The following SEC24A variants were observed in gnomAD, a reference collection of about 807,000 sequenced individuals.
SEC24A encodes protein transport protein Sec24A.
SEC24A carries 93 observed loss-of-function variants against 129.4 expected under a neutral mutation model. The observed-to-expected ratio is 0.72, with a 90% CI of 0.61 to 0.85. The LOEUF is 0.85. Among genes scored for constraint, SEC24A ranks in the 40% least tolerant of loss-of-function variants. The pLI is 0.00. For synonymous variants in SEC24A, 460 were observed against 467.3 expected (o/e 0.98, Z 0.20); for missense variants, 1,264 against 1,307.4 (o/e 0.97, Z 0.51).
Position 134,652,007 on chromosome 5 carries a change from T to TGA in SEC24A, c.97+2835_97+2836insAG, listed in dbSNP as rs770550927. Among the ~76,000 whole-genome samples, 5 of 151,182 alleles carry TGA rather than the reference T, an allele frequency of 3.3e-5. No homozygotes were observed. The South Asian group carries it at 8.4e-4, about 25-fold the overall frequency. On this transcript the variant is annotated intron_variant, in intron 1 of 22. Transcript: ENST00000398844. ...GAGTGCAATGGCTCATTGCAACCTC[T>TGA]GCCTCCCAGATTCAAGCAATTCTCC...
chr5:134,716,233 C>T (rs1029250330), intron 19 of SEC24A, among the ~76,000 whole-genome samples: 3 of 151,920 alleles, frequency 2.0e-5, no homozygotes, highest in South Asian at 2.1e-4. Flanking sequence ...GAGGCTGAGG[C>T]GGGTGGATCA....
intron 7 of SEC24A, among the ~76,000 whole-genome samples, chr5:134,676,849 G>A (rs887156632): frequency 6.6e-6 from 1 of 152,128 alleles, no homozygotes; most frequent in African/African-American, 2.4e-5. Flanking sequence ...GGAAGTCGAT[G>A]ATTGACAGAT....
At chr5:134,684,736 A>G (rs1438838936) in intron 9 of SEC24A, among the ~76,000 whole-genome samples, 2 of 152,030 alleles carry the variant, frequency 1.3e-5, no homozygotes, top group African/African-American at 4.8e-5. Flanking sequence ...GAAAAAGAAA[A>G]CATTTTGTTG....
chr5:134,649,170 A>C lies in SEC24A; in HGVS notation c.94A>C (p.Asn32His), dbSNP rs1446667903. ...CTTGGCCTCGGGGTCTCCCTACACC[A>C]ACGGTGAGTGCTGTCCGGGGGGAGG... Reference protein sequence around the residue: ...AALASGSPYTNGPVQNALLSS... With the variant: ...AALASGSPYTHGPVQNALLSS... The change falls in exon 1 of 23, where the codon AAC becomes CAC. Residue 32 changes from asparagine to histidine, a missense_variant. Physicochemically the swap from Asn to His is moderately conservative, Grantham distance 68 (BLOSUM62 1). Coordinates refer to ENST00000398844, the MANE Select transcript of SEC24A (RefSeq NM_021982.3). The C allele has an allele frequency of 6.2e-7, 1 of 1,602,760 alleles. No homozygotes were observed. The highest frequency in any genetic ancestry group is 1.1e-5 in the South Asian group (1 of 89,654).
intron 18 of SEC24A, among the ~76,000 whole-genome samples, chr5:134,712,294 G>A (rs989530095): frequency 1.3e-5 from 2 of 150,250 alleles, no homozygotes; most frequent in Non-Finnish European, 3.0e-5. Flanking sequence ...ACTGTCATCC[G>A]GGCTGGAGTG....
At chr5:134,673,793 T>C (rs2150081733) in intron 4 of SEC24A, among the ~76,000 whole-genome samples, 1 of 152,288 alleles carries the variant, frequency 6.6e-6, no homozygotes. Context: ...CAAACTAGTT[T>C]TTGTGTCTAC....
chr5:134,722,356 G>C (rs1445580724), intron 21 of SEC24A, among the ~76,000 whole-genome samples: 1 of 152,040 alleles, frequency 6.6e-6, no homozygotes, highest in African/African-American at 2.4e-5. Flanking sequence ...CCTGAGGTCA[G>C]GAGTTCGAGA....
At chr5:134,701,670 C>T (rs1172570863) in intron 15 of SEC24A, among the ~76,000 whole-genome samples, 6 of 152,020 alleles carry the variant, frequency 3.9e-5, no homozygotes, top group African/African-American at 1.4e-4. Context: ...GCTACCATGC[C>T]CAGCTAATTT....
At chr5:134,676,752 A>G (rs1422482837) in intron 7 of SEC24A, among the ~76,000 whole-genome samples, 1 of 152,132 alleles carries the variant, frequency 6.6e-6, no homozygotes, top group Non-Finnish European at 1.5e-5. Context: ...GTGAAGGTAA[A>G]TGTCTTTTGT....
In SEC24A at chr5:134,682,480, A is replaced by C; in HGVS notation, c.1489A>C (p.Met497Leu). ...TIEFMAPSEY[M>L]LRPPQPPVYL... ...TGAGTTTATGGCTCCTTCAGAATAC[A>C]TGGTAAACTTTTATTTTTTGATACA... The change falls in exon 9 of 23, where the codon ATG (methionine) becomes CTG (leucine). Residue 497 changes from methionine (M) to leucine (L), a missense_variant and splice_region_variant. Coordinates refer to ENST00000398844, the MANE Select transcript of SEC24A (RefSeq NM_021982.3). 2 of 1,522,374 alleles carry C rather than the reference A, an allele frequency of 1.3e-6. No individual in the cohort carries two copies. The highest frequency in any genetic ancestry group is 1.4e-5 in the African/African-American group (1 of 73,070). The allele number at this position is 1,522,374 out of a possible 1,614,324, so 94.3% of individuals were successfully genotyped here. A position where few individuals can be genotyped will look rare whatever the true frequency, so the allele number is the denominator to read the frequency against.
chr5:134,703,325 T>C (rs960814236), intron 15 of SEC24A, among the ~76,000 whole-genome samples: 3 of 152,046 alleles, frequency 2.0e-5, no homozygotes, highest in Non-Finnish European at 4.4e-5. Context: ...TGGAGTGCAG[T>C]GGCGCAATCT....
chr5:134,672,456 G>A (rs1232858167), intron 4 of SEC24A, among the ~76,000 whole-genome samples: 2 of 152,120 alleles, frequency 1.3e-5, no homozygotes, highest in African/African-American at 4.8e-5. Context: ...CCAAAGTGCT[G>A]GGATTATAGG....
intron 8 of SEC24A, 92 bp from the exon 9 acceptor site, chr5:134,682,277 ATGTT>A: frequency 1.6e-6 from 1 of 637,908 alleles, no homozygotes. Flanking sequence ...CATTTAATGA[ATGTT>A]TGTCATCTTT....
intron 9 of SEC24A, among the ~76,000 whole-genome samples, 185 bp downstream of exon 9, chr5:134,682,667 C>T (rs983590284): frequency 5.3e-5 from 8 of 152,050 alleles, no homozygotes; most frequent in South Asian, 2.1e-4. Flanking sequence ...CTCGACCTCC[C>T]GTGCTCAAGT....
At chr5:134,652,628 G>A (rs180709384) in intron 1 of SEC24A, among the ~76,000 whole-genome samples, 51 of 146,762 alleles carry the variant, frequency 3.5e-4, no homozygotes, top group African/African-American at 1.2e-3. Flanking sequence ...TTGCTGTGTT[G>A]CCAGGCTGGA....
At chr5:134,708,636 A>G in intron 17 of SEC24A, 77 bp from the exon 18 acceptor site, 2 of 1,294,868 alleles carry the variant, frequency 1.5e-6, no homozygotes, top group Non-Finnish European at 1.1e-6. Flanking sequence ...TTTAAAAATT[A>G]TCTCTTCTAT....
At position 134,666,954 on chromosome 5, in the gene SEC24A, G is replaced by T; in HGVS notation, c.697G>T (p.Asp233Tyr). 6.2e-7 allele frequency: 1 copy of T among 1,608,882 alleles called. No individual in the cohort carries two copies. Among genetic ancestry groups the T allele is most frequent in the Non-Finnish European group, 8.5e-7 (1 of 1,178,728 alleles). Residue 233 changes from aspartate to tyrosine, a missense_variant, in exon 3 of 23, where the codon GAT (aspartate) becomes TAT (tyrosine). Physicochemically the swap from Asp to Tyr is radical, Grantham distance 160. Transcript: ENST00000398844. ...ALTPLTSSYR[D>Y]VPQPLFNSAV... ...CACGCCCCTGACATCATCATATAGA[G>T]ATGTACCCCAGCCCTTATTTAATTC... is the stretch of plus-strand genomic sequence containing the variant.
chr5:134,682,549 G>T, intron 9 of SEC24A, 67 bp downstream of exon 9: 1 of 767,534 alleles, frequency 1.3e-6, no homozygotes, highest in Non-Finnish European at 2.2e-6. Context: ...AAACAATACA[G>T]CATCCTGTAA....
intron 2 of SEC24A, among the ~76,000 whole-genome samples, chr5:134,663,765 G>C (rs1010356497): frequency 6.6e-6 from 1 of 151,948 alleles, no homozygotes; most frequent in Non-Finnish European, 1.5e-5. Flanking sequence ...AGCTATAATA[G>C]AAACCCTCAG....
Sources: allele counts gnomAD v4.1 joint callset (sites outside exome capture counted in the v4.1 genomes callset), GRCh38; gene constraint gnomAD v4.1.1; transcripts MANE v1.5; gene names NCBI Gene and HGNC (gene_info 2026-07-23, HGNC 2026-07-21).